Variants in SAMD3 observed in about 807,000 individuals in gnomAD.
SAMD3 encodes the protein sterile alpha motif domain containing 3.
A neutral mutation model predicts 58.5 loss-of-function variants in SAMD3; 63 were observed. The ratio of observed to expected loss-of-function variants is 1.08; its 90% CI spans 0.88 to 1.33. SAMD3 has a LOEUF of 1.33. SAMD3 is among the 40% of genes most tolerant of loss of function. The pLI, the probability that SAMD3 is intolerant of heterozygous loss-of-function variation, is 0.00. For missense variants in SAMD3, 604 were observed against 608.4 expected (o/e 0.99, Z 0.08); for synonymous variants, 220 against 210.3 (o/e 1.05, Z -0.40).
chr6:130,268,613 C>CATATTTTTACTG (rs1222937489), intron 2 of SAMD3, among the ~76,000 whole-genome samples: 1 of 152,106 alleles, frequency 6.6e-6, no homozygotes, highest in Non-Finnish European at 1.5e-5. Flanking sequence ...TTTTACCATA[C>CATATTTTTACTG]TTTTTCTGTT....
chr6:130,181,009 G>A (rs562923876), intron 7 of SAMD3, among the ~76,000 whole-genome samples: 8 of 142,472 alleles, frequency 5.6e-5, no homozygotes, highest in African/African-American at 1.9e-4. Flanking sequence ...GTGCAATGGC[G>A]TGATCTCAGC....
At chr6:130,359,171 A>T (rs1320734032) in intron 1 of SAMD3, among the ~76,000 whole-genome samples, 1 of 152,250 alleles carries the variant, frequency 6.6e-6, no homozygotes, top group African/African-American at 2.4e-5. Context: ...TGCCCATTTC[A>T]TAGTAAGTAC....
intron 8 of SAMD3, among the ~76,000 whole-genome samples, chr6:130,174,380 C>T (rs897304962): frequency 2.6e-5 from 4 of 152,192 alleles, no homozygotes; most frequent in African/African-American, 9.6e-5. Flanking sequence ...AGCCAGGTAG[C>T]ACAGTCCCTC....
chr6:130,272,561 G>A (rs956513337), intron 2 of SAMD3, among the ~76,000 whole-genome samples: 6 of 152,260 alleles, frequency 3.9e-5, no homozygotes, highest in Middle Eastern at 3.4e-3. Context: ...ATACCAGGAG[G>A]ATTAATTGGC....
intron 1 of SAMD3, among the ~76,000 whole-genome samples, chr6:130,222,470 A>T (rs1343891296): frequency 6.6e-6 from 1 of 152,218 alleles, no homozygotes; most frequent in African/African-American, 2.4e-5. Context: ...AAATAGTATG[A>T]TTCAGATTTG....
chr6:130,242,062 C>G (rs1032104486), intron 2 of SAMD3, among the ~76,000 whole-genome samples: 24 of 152,288 alleles, frequency 1.6e-4, no homozygotes, highest in African/African-American at 5.3e-4. Context: ...AAACATACTA[C>G]CGCCACCAGC....
At chr6:130,320,977 T>G (rs532911542) in intron 1 of SAMD3, among the ~76,000 whole-genome samples, 13 of 152,300 alleles carry the variant, frequency 8.5e-5, no homozygotes, top group Admixed American at 7.2e-4. Context: ...GGGTAATGCT[T>G]CCCCAGAGAG....
intron 2 of SAMD3, among the ~76,000 whole-genome samples, chr6:130,272,577 A>G (rs1195178956): frequency 6.6e-6 from 1 of 152,238 alleles, no homozygotes; most frequent in Non-Finnish European, 1.5e-5. Context: ...TTGGCTAGTG[A>G]TGAGATAATA....
intron 2 of SAMD3, among the ~76,000 whole-genome samples, chr6:130,273,881 C>T (rs983129429): frequency 1.1e-4 from 17 of 151,990 alleles, no homozygotes; most frequent in African/African-American, 3.9e-4. Flanking sequence ...TAAAGTTATT[C>T]TTAATATTTT....
At chr6:130,171,598 T>C (rs900700707) in intron 8 of SAMD3, among the ~76,000 whole-genome samples, 2 of 152,240 alleles carry the variant, frequency 1.3e-5, no homozygotes, top group East Asian at 1.9e-4. Flanking sequence ...TCCATTCTTT[T>C]ACATTTGCTG....
chr6:130,293,130 C>A (rs1775437940), intron 2 of SAMD3, among the ~76,000 whole-genome samples: 1 of 152,196 alleles, frequency 6.6e-6, no homozygotes, highest in African/African-American at 2.4e-5. Context: ...TTAACGGGAA[C>A]TTGACAGTTG....
intron 2 of SAMD3, among the ~76,000 whole-genome samples, chr6:130,244,472 C>T (rs905352340): frequency 2.6e-5 from 4 of 152,110 alleles, no homozygotes; most frequent in African/African-American, 7.2e-5. Flanking sequence ...GGCATGGTGG[C>T]CCAGCCTTGT....
chr6:130,179,568 C>T (rs1292530214), intron 7 of SAMD3, among the ~76,000 whole-genome samples: 2 of 111,978 alleles, frequency 1.8e-5, no homozygotes, highest in African/African-American at 7.1e-5. Flanking sequence ...AGCAAATATC[C>T]AGAAAAATAA....
intron 2 of SAMD3, among the ~76,000 whole-genome samples, chr6:130,308,431 TTC>T (rs1415796144): frequency 1.5e-4 from 22 of 142,732 alleles, no homozygotes; most frequent in Non-Finnish European, 2.8e-4. Context: ...TTCTATTCTA[TTC>T]TATTCTTTTG....
chr6:130,226,258 C>T (rs1796379930), upstream of SAMD3, among the ~76,000 whole-genome samples: 1 of 152,164 alleles, frequency 6.6e-6, no homozygotes, highest in Middle Eastern at 3.2e-3. Context: ...TTCCAACTTA[C>T]CTAATATAAG....
rs142867671 is a variant in SAMD3, at chr6:130,364,067, T to C, written c.-304+1053A>G. ...GACTACTGAATTGCAAATAATCCTC[T>C]ATTTACAGGCCATTTTACCCGCCTC... On this transcript the variant is annotated intron_variant, in intron 1 of 13. Coordinates refer to the SAMD3 transcript ENST00000368134. 3.5e-3 allele frequency among the ~76,000 whole-genome samples: 535 copies of C among 152,296 alleles called. 5 individuals are homozygous for C. Among genetic ancestry groups the C allele is most frequent in the African/African-American group, 0.012 (515 of 41,564 alleles).
intron 2 of SAMD3, among the ~76,000 whole-genome samples, chr6:130,231,808 G>C (rs1796557189): frequency 6.6e-6 from 1 of 151,976 alleles, no homozygotes; most frequent in South Asian, 2.1e-4. Context: ...AACAATTATA[G>C]TTTGTTTTTT....
chr6:130,176,815 G>A (rs950714964), intron 7 of SAMD3, among the ~76,000 whole-genome samples: 4 of 152,198 alleles, frequency 2.6e-5, no homozygotes, highest in Non-Finnish European at 5.9e-5. Context: ...CAATGGAATA[G>A]AGGGAGAGCT....
chr6:130,243,882 A>G (rs1773447289), intron 2 of SAMD3, among the ~76,000 whole-genome samples: 1 of 152,194 alleles, frequency 6.6e-6, no homozygotes, highest in South Asian at 2.1e-4. Flanking sequence ...CTGCTACTTG[A>G]ATGTTGTTGT....
Sources: allele counts gnomAD v4.1 joint callset (sites outside exome capture counted in the v4.1 genomes callset), GRCh38; gene constraint gnomAD v4.1.1; transcripts MANE v1.5; gene names NCBI Gene and HGNC (gene_info 2026-07-23, HGNC 2026-07-21).